NRXN3: variants seen among roughly 807,000 people sequenced by gnomAD.
The protein encoded by NRXN3 is neurexin 3.
NRXN3 carries 32 observed loss-of-function variants against 137.6 expected under a neutral mutation model. The observed-to-expected ratio is 0.23, with a 90% CI of 0.18 to 0.31. The LOEUF (loss-of-function observed/expected upper bound fraction) is 0.31, where lower values mean the gene tolerates loss of function less well. Among genes scored for constraint, NRXN3 ranks in the 10% least tolerant of loss-of-function variants. The pLI, the probability that NRXN3 is intolerant of heterozygous loss-of-function variation, is 1.00. For synonymous variants in NRXN3, 798 were observed against 784.5 expected (o/e 1.02, Z -0.29); for missense variants, 1,574 against 2,062.5 (o/e 0.76, Z 4.59).
chr14:78,402,648 G>A (rs1387396105), intron 4 of NRXN3, among the ~76,000 whole-genome samples: 4 of 152,190 alleles, frequency 2.6e-5, no homozygotes, highest in Admixed American at 6.5e-5. Flanking sequence ...GAGCTGAGCA[G>A]TTGAAGTCAT....
chr14:78,226,062 G>A, intron 1 of NRXN3, among the ~76,000 whole-genome samples: 1 of 151,304 alleles, frequency 6.6e-6, no homozygotes, highest in African/African-American at 2.4e-5. Context: ...AGAATGCAGT[G>A]GCCTGATCTC....
In NRXN3 at chr14:78,472,582, T is replaced by C. The variant is rs118167716; in HGVS notation, c.758-172538T>C. Among the ~76,000 whole-genome samples the C allele has an allele frequency of 3.7e-3, 566 of 152,310 alleles. 11 individuals are homozygous for C. The highest frequency in any genetic ancestry group is 0.037 in the South Asian group (179 of 4,826). On this transcript the variant is annotated intron_variant, in intron 4 of 20. Transcript: ENST00000335750. ...TGCTCAGGGAAGACATCCACATCCA[T>C]GGGAGTTGTCTGGCTCACAGTTTAG... is the stretch of plus-strand genomic sequence containing the variant.
chr14:78,702,765 C>T (rs2098299863), intron 6 of NRXN3, among the ~76,000 whole-genome samples: 1 of 152,230 alleles, frequency 6.6e-6, no homozygotes, highest in South Asian at 2.1e-4. Flanking sequence ...TTCTTAATGA[C>T]TCCATGCTAT....
At chr14:79,484,288 A>G (rs950541995) in intron 16 of NRXN3, among the ~76,000 whole-genome samples, 3 of 152,096 alleles carry the variant, frequency 2.0e-5, no homozygotes, top group African/African-American at 4.8e-5. Flanking sequence ...CACTTCATCT[A>G]CTGGATTCCA....
chr14:78,399,945 T>A (rs1168186240), intron 4 of NRXN3, among the ~76,000 whole-genome samples: 4 of 152,230 alleles, frequency 2.6e-5, no homozygotes, highest in Non-Finnish European at 5.9e-5. Context: ...GCTATGTAAC[T>A]AGGGGAAATT....
intron 15 of NRXN3, among the ~76,000 whole-genome samples, chr14:79,276,949 G>T (rs565978504): frequency 1.3e-5 from 2 of 152,310 alleles, no homozygotes; most frequent in Non-Finnish European, 2.9e-5. Flanking sequence ...CAGAAAACAG[G>T]AGAAAATGAA....
At chr14:79,509,384 C>T (rs1321662823) in intron 16 of NRXN3, among the ~76,000 whole-genome samples, 1 of 151,890 alleles carries the variant, frequency 6.6e-6, no homozygotes, top group Non-Finnish European at 1.5e-5. Context: ...GGCATCATGG[C>T]GTGTGCCTGT....
chr14:79,455,434 A>G (rs567962798), intron 15 of NRXN3, among the ~76,000 whole-genome samples: 2 of 152,320 alleles, frequency 1.3e-5, no homozygotes, highest in East Asian at 1.9e-4. Context: ...AAAATGGAGT[A>G]ATTTAGAAAT....
At chr14:78,805,953 G>T (rs2098864388) in intron 9 of NRXN3, among the ~76,000 whole-genome samples, 1 of 151,538 alleles carries the variant, frequency 6.6e-6, no homozygotes, top group Non-Finnish European at 1.5e-5. Context: ...CCTTGAGTTG[G>T]TCATACATCC....
chr14:78,255,170 A>G (rs755777717), intron 2 of NRXN3, among the ~76,000 whole-genome samples: 231 of 69,210 alleles, frequency 3.3e-3, no homozygotes, highest in Non-Finnish European at 5.7e-3. Context: ...ACAGCAGCAG[A>G]AAAAAAAAAA....
intron 5 of NRXN3, among the ~76,000 whole-genome samples, chr14:78,649,521 G>A (rs1208683185): frequency 1.4e-5 from 2 of 142,216 alleles, no homozygotes; most frequent in African/African-American, 5.2e-5. Flanking sequence ...TGTGGGGAAG[G>A]TTTCCTTTTC....
intron 10 of NRXN3, among the ~76,000 whole-genome samples, chr14:78,875,446 A>T (rs563140593): frequency 1.4e-5 from 2 of 147,638 alleles, no homozygotes; most frequent in South Asian, 2.1e-4. Flanking sequence ...TGTAGTTTTT[A>T]AACTTAAAGC....
At chr14:78,470,405 T>G (rs2095236915) in intron 4 of NRXN3, among the ~76,000 whole-genome samples, 1 of 152,138 alleles carries the variant, frequency 6.6e-6, no homozygotes, top group African/African-American at 2.4e-5. Flanking sequence ...GCTTCAAATA[T>G]TATACTTAGA....
intron 15 of NRXN3, among the ~76,000 whole-genome samples, chr14:79,168,859 G>A (rs76373533): frequency 1.1e-4 from 17 of 152,126 alleles, no homozygotes; most frequent in South Asian, 4.1e-4. Flanking sequence ...ATGTGGTATC[G>A]TTTCCTGTGC....
rs2099516911 is a variant in NRXN3, at chr14:78,990,608, T to A, written c.3262+2467T>A. ...GGCTGGTCTTGAACTCCTGACCTCG[T>A]GATCCGCCCTCCTCAGCCTCCCAAA... On this transcript the variant is annotated intron_variant, in intron 15 of 20. Transcript: ENST00000335750. 2.6e-5 allele frequency among the ~76,000 whole-genome samples: 4 copies of A among 152,174 alleles called. No homozygotes were observed. The South Asian group carries it at 8.3e-4, about 32-fold the overall frequency.
At chr14:78,397,802 C>T (rs1434212232) in intron 4 of NRXN3, among the ~76,000 whole-genome samples, 1 of 150,918 alleles carries the variant, frequency 6.6e-6, no homozygotes, top group African/African-American at 2.4e-5. Flanking sequence ...CAGGGTTTCA[C>T]CAGGTTGCCC....
intron 2 of NRXN3, among the ~76,000 whole-genome samples, chr14:78,259,686 T>C (rs2070356959): frequency 6.6e-6 from 1 of 152,148 alleles, no homozygotes; most frequent in African/African-American, 2.4e-5. Context: ...TTAAGGAAAT[T>C]GAGGCTCAGC....
chr14:78,995,333 C>A (rs1438400613), intron 15 of NRXN3, among the ~76,000 whole-genome samples: 1 of 152,100 alleles, frequency 6.6e-6, no homozygotes. Flanking sequence ...TATTTTCATT[C>A]TCTGTTGACC....
chr14:78,774,784 T>C (rs1277323275), intron 8 of NRXN3, among the ~76,000 whole-genome samples: 1 of 151,982 alleles, frequency 6.6e-6, no homozygotes, highest in Non-Finnish European at 1.5e-5. Flanking sequence ...ATTAGCTGAG[T>C]GTGGTAGTGC....
Sources: allele counts gnomAD v4.1 joint callset (sites outside exome capture counted in the v4.1 genomes callset), GRCh38; gene constraint gnomAD v4.1.1; transcripts MANE v1.5; gene names NCBI Gene and HGNC (gene_info 2026-07-23, HGNC 2026-07-21).